Variants in COL22A1 observed in about 807,000 individuals in gnomAD.
The protein encoded by COL22A1 is collagen type XXII alpha 1 chain.
A neutral mutation model predicts 248.9 loss-of-function variants in COL22A1; 221 were observed. The ratio of observed to expected loss-of-function variants is 0.89; its 90% CI spans 0.80 to 0.99. The LOEUF is 0.99. COL22A1 is among the 50% of genes least tolerant of loss of function. The pLI is 0.00. For synonymous variants in COL22A1, 891 were observed against 793.4 expected, an observed-to-expected ratio of 1.12 and a Z score of -2.07; for missense variants, 2,240 against 2,179.0, an observed-to-expected ratio of 1.03 and a Z score of -0.56.
intron 6 of COL22A1, 32 bp downstream of exon 6, chr8:138,826,626 G>A (rs1443042946): frequency 6.2e-7 from 1 of 1,610,858 alleles, no homozygotes; most frequent in South Asian, 1.1e-5. Flanking sequence ...GAAAGCTCAG[G>A]ACCACTGAGA....
At position 138,890,495 on chromosome 8, in the gene COL22A1, C is replaced by T. The variant is rs74514245; in HGVS notation, c.-72-7251G>A. Among the ~76,000 whole-genome samples the T allele has an allele frequency of 7.4e-3, 1,128 of 152,158 alleles. 14 individuals are homozygous for T. Among genetic ancestry groups the T allele is most frequent in the African/African-American group, 0.026 (1,063 of 41,504 alleles). ...ATGGGGATTCACTCTGTTTCACATG[C>T]TAGAGTTCAGTGGCACAATGATAGC... On this transcript the variant is annotated intron_variant, in intron 1 of 64. Coordinates refer to ENST00000303045, the MANE Select transcript of COL22A1 (RefSeq NM_152888.3).
In COL22A1 at chr8:138,751,136, C is replaced by T. The variant is rs144365922; in HGVS notation, c.2085+322G>A. Among the ~76,000 whole-genome samples, 669 of 152,250 alleles carry T rather than the reference C, an allele frequency of 4.4e-3. 4 individuals carry two copies. Among genetic ancestry groups the T allele is most frequent in the South Asian group, 0.025 (121 of 4,816 alleles). On this transcript the variant is annotated intron_variant, in intron 22 of 64. Transcript: ENST00000303045. ...TAATGGCATGGATATATTAGATGCA[C>T]TCAGTTGCCTCTTCTCTGTATACCC...
At position 138,705,300 on chromosome 8, in the gene COL22A1, C is replaced by T. The variant is rs190543832; in HGVS notation, c.2518-1953G>A. On this transcript the variant is annotated intron_variant, in intron 30 of 64. Coordinates refer to ENST00000303045, the MANE Select transcript of COL22A1 (RefSeq NM_152888.3). Reference sequence around the variant, plus strand: ...CAGAGAACACCACAAAGATACTCCTCGAGAAGAGCAACTCCAAGACACATA... The same window carrying T: ...CAGAGAACACCACAAAGATACTCCTTGAGAAGAGCAACTCCAAGACACATA... Among the ~76,000 whole-genome samples, 10 of 152,180 alleles carry T rather than the reference C, an allele frequency of 6.6e-5. 1 individual carries two copies. The highest frequency in any genetic ancestry group is 3.3e-4 in the Admixed American group (5 of 15,286).
At chr8:138,757,833 G>C (rs143667986) in intron 18 of COL22A1, among the ~76,000 whole-genome samples, 271 of 152,312 alleles carry the variant, frequency 1.8e-3, no homozygotes, top group African/African-American at 6.0e-3. Flanking sequence ...CACAATATGG[G>C]TGACACATTT....
chr8:138,870,749 G>A (rs1823274595), intron 3 of COL22A1, among the ~76,000 whole-genome samples: 1 of 151,726 alleles, frequency 6.6e-6, no homozygotes, highest in Non-Finnish European at 1.5e-5. Context: ...TTGTGTATGT[G>A]TGTATGCATA....
intron 1 of COL22A1, among the ~76,000 whole-genome samples, chr8:138,902,883 C>T (rs1259726390): frequency 6.6e-6 from 1 of 151,594 alleles, no homozygotes; most frequent in Non-Finnish European, 1.5e-5. Flanking sequence ...GAGGCTTTCA[C>T]CAAACGCGGT....
At chr8:138,807,906 G>T in intron 9 of COL22A1, 94 bp from the exon 10 acceptor site, 1 of 1,300,314 alleles carries the variant, frequency 7.7e-7, no homozygotes, top group Non-Finnish European at 1.1e-6. Flanking sequence ...ATGCTTAGAA[G>T]CCAATGGCTT....
At chr8:138,654,922 C>T (rs1428665676) in intron 45 of COL22A1, among the ~76,000 whole-genome samples, 1 of 152,126 alleles carries the variant, frequency 6.6e-6, no homozygotes, top group African/African-American at 2.4e-5. Flanking sequence ...GATAAAAGGC[C>T]CAACAGCCCA....
chr8:138,790,632 T>C (rs1352378247), intron 12 of COL22A1, among the ~76,000 whole-genome samples: 1 of 152,178 alleles, frequency 6.6e-6, no homozygotes, highest in Non-Finnish European at 1.5e-5. Flanking sequence ...AATAACCTGG[T>C]TCCGGTGAGA....
chr8:138,896,459 G>A (rs1825420541), intron 1 of COL22A1, among the ~76,000 whole-genome samples: 1 of 151,870 alleles, frequency 6.6e-6, no homozygotes, highest in Admixed American at 6.6e-5. Flanking sequence ...GTACCTAGAA[G>A]CAACCACTAA....
At chr8:138,601,177 G>A (rs2131829206) in intron 60 of COL22A1, among the ~76,000 whole-genome samples, 1 of 152,070 alleles carries the variant, frequency 6.6e-6, no homozygotes, top group African/African-American at 2.4e-5. Context: ...TTCTCGGGGG[G>A]GAACATCAAC....
Position 138,619,504 on chromosome 8 carries a change from T to G in COL22A1, c.3776A>C (p.Lys1259Thr). Residue 1259 changes from lysine to threonine, a missense_variant, in exon 53 of 65, where the codon AAA (lysine) becomes ACA (threonine). Coordinates refer to ENST00000303045, the MANE Select transcript of COL22A1 (RefSeq NM_152888.3). ...TCCTGGTAGACCTGGCTCTCCTGCTTTGCCCTGAGAGTAAGGAAGAAAAGA... is the reference window on the plus strand; with the variant it reads ...TCCTGGTAGACCTGGCTCTCCTGCTGTGCCCTGAGAGTAAGGAAGAAAAGA... ...GKPGPPGEPGKAGEPGLPGPE... is the reference protein window; with the variant it reads ...GKPGPPGEPGTAGEPGLPGPE... 2 of 1,614,062 alleles carry G rather than the reference T, an allele frequency of 1.2e-6. No individual in the cohort carries two copies. Among genetic ancestry groups the G allele is most frequent in the Non-Finnish European group, 8.5e-7 (1 of 1,179,924 alleles).
intron 1 of COL22A1, among the ~76,000 whole-genome samples, chr8:138,908,607 C>T (rs1211663081): frequency 6.6e-6 from 1 of 152,098 alleles, no homozygotes; most frequent in Non-Finnish European, 1.5e-5. Context: ...ACCAAATGTT[C>T]CTAAGCCCCA....
intron 9 of COL22A1, among the ~76,000 whole-genome samples, chr8:138,810,658 AAC>A (rs1818134551): frequency 1.3e-5 from 2 of 152,218 alleles, no homozygotes. Context: ...ATTAACTGAG[AAC>A]TCCCCAAGGG....
chr8:138,766,396 T>G (rs1833912121), intron 16 of COL22A1, among the ~76,000 whole-genome samples: 1 of 147,852 alleles, frequency 6.8e-6, no homozygotes, highest in Admixed American at 6.8e-5. Flanking sequence ...GCGAGAGGAA[T>G]GAGAGAGGAT....
intron 47 of COL22A1, among the ~76,000 whole-genome samples, chr8:138,641,125 C>T (rs1821651967): frequency 6.6e-6 from 1 of 152,186 alleles, no homozygotes; most frequent in Non-Finnish European, 1.5e-5. Flanking sequence ...GAGAATCTTT[C>T]AGAACCGTGG....
At position 138,613,864 on chromosome 8, in the gene COL22A1, C is replaced by T; in HGVS notation, c.3978+3G>A. 1 of 1,613,688 alleles carries T rather than the reference C, an allele frequency of 6.2e-7. No homozygotes were observed. The highest frequency in any genetic ancestry group is 8.5e-7 in the Non-Finnish European group (1 of 1,179,554). On this transcript the variant is annotated splice_donor_region_variant and intron_variant, in intron 56 of 64. Coordinates refer to ENST00000303045, the MANE Select transcript of COL22A1 (RefSeq NM_152888.3). ...AGCACATTAGTCGCAAAGCAAAACT[C>T]ACCGGTGGGCCCCTTGGTCCTTGGG...
intron 50 of COL22A1, among the ~76,000 whole-genome samples, chr8:138,627,118 C>A (rs1820308633): frequency 6.6e-6 from 1 of 152,190 alleles, no homozygotes; most frequent in Admixed American, 6.5e-5. Flanking sequence ...AAATATTCAA[C>A]CCTCCCCACA....
rs1196676695 is a variant in COL22A1, at chr8:138,877,822, G to A, written c.586C>T (p.His196Tyr). ...EEIASEPKSA[H>Y]VFHVSDFNAI... ...TTGAAGTCGGACACGTGGAAGACGT[G>A]GGCGGACTTGGGCTCTGAGGCGATC... Residue 196 changes from histidine to tyrosine, a missense_variant, in exon 3 of 65, where the codon CAC becomes TAC. Transcript: ENST00000303045. The A allele has an allele frequency of 6.2e-7, 1 of 1,612,430 alleles. No individual in the cohort carries two copies. The highest frequency in any genetic ancestry group is 1.7e-5 in the Admixed American group (1 of 59,918).
Sources: gnomAD v4.1 joint callset for allele counts (sites outside exome capture counted in the v4.1 genomes callset) on GRCh38, gnomAD v4.1.1 for gene constraint, MANE v1.5 for transcripts, NCBI Gene and HGNC (gene_info 2026-07-23, HGNC 2026-07-21) for gene names.